RPS6KC1: variants seen among roughly 807,000 people sequenced by gnomAD.
RPS6KC1 encodes ribosomal protein S6 kinase C1, also known as inactive ribosomal protein S6 kinase delta-1.
Under a neutral mutation model 103.8 loss-of-function variants are expected in RPS6KC1, and 54 were observed. The observed-to-expected ratio is 0.52, with a 90% confidence interval of 0.42 to 0.65. The LOEUF (loss-of-function observed/expected upper bound fraction) is 0.65. RPS6KC1 is among the 30% of genes least tolerant of loss of function. The pLI is 0.00. For missense variants in RPS6KC1, 1,151 were observed against 1,253.8 expected (o/e 0.92, Z 1.24); for synonymous variants, 439 against 438.7 (o/e 1.00, Z -0.01).
chr1:213,070,144 C>G (rs1417942731), intron 1 of RPS6KC1, among the ~76,000 whole-genome samples: 1 of 151,774 alleles, frequency 6.6e-6, no homozygotes, highest in Non-Finnish European at 1.5e-5. Context: ...AGCATTGTAG[C>G]TGCTTTTTTT....
the RPS6KC1 span, among the ~76,000 whole-genome samples, chr1:213,583,832 AAAAAAAGAAAAAAG>A: frequency 1.4e-5 from 2 of 144,886 alleles, no homozygotes; most frequent in African/African-American, 5.2e-5. Context: ...AAAAAAAAAA[AAAAAAAGAAAAAAG>A]AAAAAAAAAG....
the RPS6KC1 span, among the ~76,000 whole-genome samples, chr1:213,591,706 T>C: frequency 6.6e-5 from 10 of 152,170 alleles, no homozygotes; most frequent in Admixed American, 6.5e-4. Flanking sequence ...GGAAGTTTAT[T>C]AGGGGGGTGC....
the RPS6KC1 span, among the ~76,000 whole-genome samples, chr1:213,411,642 C>G: frequency 1.3e-5 from 2 of 152,116 alleles, no homozygotes; most frequent in African/African-American, 4.8e-5. Flanking sequence ...ATGCAGCAAG[C>G]CTTCAAGGTG....
At chr1:213,510,620 C>CT in the RPS6KC1 span, among the ~76,000 whole-genome samples, 1 of 152,150 alleles carries the variant, frequency 6.6e-6, no homozygotes, top group Non-Finnish European at 1.5e-5. Flanking sequence ...GGTTTAGTGG[C>CT]TCTGTGAGTC....
the RPS6KC1 span, among the ~76,000 whole-genome samples, chr1:213,529,028 C>T: frequency 2.0e-5 from 3 of 152,098 alleles, no homozygotes; most frequent in Non-Finnish European, 4.4e-5. Flanking sequence ...ACATTAGGAA[C>T]GAAACATTGG....
At chr1:213,119,079 T>G (rs1158847364) in intron 5 of RPS6KC1, among the ~76,000 whole-genome samples, 1 of 151,992 alleles carries the variant, frequency 6.6e-6, no homozygotes, top group Admixed American at 6.6e-5. Flanking sequence ...TCCCTACTCC[T>G]GAGAAAGAGG....
intron 1 of RPS6KC1, among the ~76,000 whole-genome samples, chr1:213,056,510 G>C (rs1490288507): frequency 6.6e-6 from 1 of 152,238 alleles, no homozygotes; most frequent in African/African-American, 2.4e-5. Context: ...TGATGGATAC[G>C]TGAATAATAA....
At chr1:213,433,476 A>C in the RPS6KC1 span, among the ~76,000 whole-genome samples, 9 of 152,134 alleles carry the variant, frequency 5.9e-5, no homozygotes, top group African/African-American at 2.2e-4. Flanking sequence ...TTGTTCTTTA[A>C]TTTCCTTTAG....
chr1:213,567,499 C>A, the RPS6KC1 span, among the ~76,000 whole-genome samples: 2 of 152,160 alleles, frequency 1.3e-5, no homozygotes, highest in Non-Finnish European at 2.9e-5. Flanking sequence ...TCAGTTCTCC[C>A]TTTGTTTGGG....
the RPS6KC1 span, among the ~76,000 whole-genome samples, chr1:213,441,742 C>T: frequency 2.6e-5 from 4 of 152,160 alleles, no homozygotes; most frequent in Non-Finnish European, 5.9e-5. Flanking sequence ...AAATCTCACA[C>T]AAGAGGAATA....
intron 5 of RPS6KC1, among the ~76,000 whole-genome samples, chr1:213,118,039 A>AAAAAAAAAAAAAAAAAAT: frequency 6.7e-6 from 1 of 149,134 alleles, no homozygotes; most frequent in East Asian, 2.0e-4. Context: ...AAAAAAAAAA[A>AAAAAAAAAAAAAAAAAAT]GCCTTACTCA....
At chr1:213,460,661 T>A in the RPS6KC1 span, among the ~76,000 whole-genome samples, 1 of 152,202 alleles carries the variant, frequency 6.6e-6, no homozygotes, top group African/African-American at 2.4e-5. Flanking sequence ...GCCCATTAGT[T>A]GATGCAGTTT....
the RPS6KC1 span, among the ~76,000 whole-genome samples, chr1:213,363,691 T>C: frequency 2.7e-3 from 197 of 72,580 alleles, 1 homozygote; most frequent in East Asian, 0.012. Context: ...TCTTTCTTTC[T>C]TTCTTTCTTT....
At chr1:213,783,815 CAAA>C in the RPS6KC1 span, among the ~76,000 whole-genome samples, 1,176 of 65,908 alleles carry the variant, frequency 0.018, 21 homozygotes, top group African/African-American at 0.041. Context: ...AAGATGTTGC[CAAA>C]AAAAAAAAAA....
chr1:213,244,008 A>G (rs1029906343), intron 12 of RPS6KC1, among the ~76,000 whole-genome samples: 1 of 152,134 alleles, frequency 6.6e-6, no homozygotes, highest in Non-Finnish European at 1.5e-5. Flanking sequence ...AGCAACTATT[A>G]GGGTTTTCTT....
At chr1:213,507,277 G>A in the RPS6KC1 span, among the ~76,000 whole-genome samples, 1 of 152,118 alleles carries the variant, frequency 6.6e-6, no homozygotes, top group East Asian at 1.9e-4. Context: ...ACCTGAGCAC[G>A]CAACCTGCCT....
At chr1:213,615,032 T>TCCCCCAAG in the RPS6KC1 span, among the ~76,000 whole-genome samples, 1 of 152,172 alleles carries the variant, frequency 6.6e-6, no homozygotes, top group Non-Finnish European at 1.5e-5. Context: ...TATATCATTG[T>TCCCCCAAG]GTGTGTGTCC....
At chr1:213,358,213 C>A in the RPS6KC1 span, among the ~76,000 whole-genome samples, 10 of 152,122 alleles carry the variant, frequency 6.6e-5, no homozygotes, top group African/African-American at 2.4e-4. Flanking sequence ...GGAATGGTAC[C>A]AGCTCCTCCT....
chr1:213,622,929 A>C, the RPS6KC1 span, among the ~76,000 whole-genome samples: 79 of 152,088 alleles, frequency 5.2e-4, 1 homozygote, highest in South Asian at 4.1e-4. Context: ...AGTCCAGGAG[A>C]AAATCATTTC....
Sources: gnomAD v4.1 joint callset for allele counts (sites outside exome capture counted in the v4.1 genomes callset) on GRCh38, gnomAD v4.1.1 for gene constraint, MANE v1.5 for transcripts, NCBI Gene and HGNC (gene_info 2026-07-23, HGNC 2026-07-21) for gene names.